The following PHC2 variants were observed in gnomAD, a reference collection of about 807,000 sequenced individuals.
PHC2 encodes polyhomeotic homolog 2.
In PHC2, 29 loss-of-function variants were observed where a neutral mutation model predicts 87.4. The observed-to-expected ratio is 0.33, with a 90% CI of 0.25 to 0.45. The LOEUF (loss-of-function observed/expected upper bound fraction) is 0.45. Among genes scored for constraint, PHC2 ranks in the 20% least tolerant of loss-of-function variants. The probability of loss-of-function intolerance (pLI) is 1.00; values close to 1 mark genes in which losing one functional copy is unlikely to be tolerated. For missense variants in PHC2, 857 were observed against 1,136.7 expected (o/e 0.75, Z 3.54); for synonymous variants, 438 against 461.7 (o/e 0.95, Z 0.66).
rs1648541895 is a variant in PHC2, at chr1:33,382,535, A to G, written c.-54-6942T>C. ...CACAGCCAAATCTCATTAATGGCTAACATCAAGAACTAGAAGTCTGTTTTT... is the reference window on the plus strand; with the variant it reads ...CACAGCCAAATCTCATTAATGGCTAGCATCAAGAACTAGAAGTCTGTTTTT... On this transcript the variant is annotated intron_variant, in intron 1 of 14. Coordinates refer to ENST00000683057, the MANE Select transcript of PHC2 (RefSeq NM_001385109.1). This position sits in a 1 kb window ranked among gnomAD's most constrained non-coding sequence, Gnocchi z 4.3. Among the ~76,000 whole-genome samples the G allele has an allele frequency of 6.6e-6, 1 of 152,186 alleles. No homozygotes were observed.
At chr1:33,389,961 C>T (rs889218875) in intron 1 of PHC2, among the ~76,000 whole-genome samples, 2 of 152,046 alleles carry the variant, frequency 1.3e-5, no homozygotes, top group South Asian at 2.1e-4. Context: ...ATTTATGAAA[C>T]GTAGGTAGCT....
chr1:33,329,178 G>A, intron 13 of PHC2, 32 bp from the exon 14 acceptor site: 1 of 1,597,676 alleles, frequency 6.3e-7, no homozygotes, highest in Non-Finnish European at 8.5e-7. Context: ...CAGGATGGGG[G>A]AACAAACCAT....
rs558786421 is a variant in PHC2 at position 33,376,399 on chromosome 1, G to C, written c.-54-806C>G. Among the ~76,000 whole-genome samples the C allele has an allele frequency of 5.4e-4, 82 of 152,344 alleles. 1 individual carries two copies. The highest frequency in any genetic ancestry group is 5.0e-4 in the Non-Finnish European group (34 of 68,032). ...AGGACAGGGCAGACTTGGTTCACTA[G>C]GTGAGATTTGAGATCAGGTCTGGCT... On this transcript the variant is annotated intron_variant, in intron 1 of 14. Transcript: ENST00000683057.
chr1:33,337,046 T>G (rs567083610), intron 9 of PHC2, among the ~76,000 whole-genome samples: 2 of 152,378 alleles, frequency 1.3e-5, no homozygotes, highest in East Asian at 3.9e-4. Context: ...ACATCTATTT[T>G]ATTTAAAATG....
chr1:33,370,379 T>C, intron 5 of PHC2, 42 bp downstream of exon 5: 1 of 1,582,430 alleles, frequency 6.3e-7, no homozygotes, highest in Non-Finnish European at 8.6e-7. Flanking sequence ...GCCTCTGTCC[T>C]CCTGGTGCCT....
intron 9 of PHC2, among the ~76,000 whole-genome samples, chr1:33,341,955 A>G (rs551689101): frequency 6.6e-6 from 1 of 152,334 alleles, no homozygotes; most frequent in South Asian, 2.1e-4. Context: ...CCTTGCCTTG[A>G]CACAGCAGGC....
chr1:33,412,115 G>A (rs1239050891), intron 1 of PHC2, among the ~76,000 whole-genome samples: 1 of 152,092 alleles, frequency 6.6e-6, no homozygotes, highest in Non-Finnish European at 1.5e-5. Context: ...GGTAAAAAAA[G>A]GTTTAAAGAT....
At chr1:33,337,568 T>G (rs539510317) in intron 9 of PHC2, among the ~76,000 whole-genome samples, 5 of 152,160 alleles carry the variant, frequency 3.3e-5, no homozygotes, top group Admixed American at 3.3e-4. Flanking sequence ...ATAAGGATCC[T>G]ACGCCTACCT....
chr1:33,400,726 T>A (rs1361062215), intron 1 of PHC2, among the ~76,000 whole-genome samples: 1 of 152,110 alleles, frequency 6.6e-6, no homozygotes, highest in Non-Finnish European at 1.5e-5. Flanking sequence ...CATATGCACA[T>A]AACTGAATAC....
chr1:33,332,463 C>T lies in PHC2; in HGVS notation c.1762-59G>A. On this transcript the variant is annotated intron_variant, in intron 10 of 14. Coordinates refer to ENST00000683057, the MANE Select transcript of PHC2 (RefSeq NM_001385109.1). The surrounding 1 kb of genome is among the most constrained non-coding windows in gnomAD (Gnocchi z 4.2). ...CAGGTGGGAGCGGCTTCCTTGCTAT[C>T]CATCCTCATCACAATTACACGTATA... 2 of 1,598,188 alleles carry T rather than the reference C, an allele frequency of 1.3e-6. No individual in the cohort carries two copies. Among genetic ancestry groups the T allele is most frequent in the African/African-American group, 1.3e-5 (1 of 74,716 alleles).
chr1:33,325,256 G>A (rs1646344848), intron 14 of PHC2: 3 of 495,654 alleles, frequency 6.1e-6, no homozygotes, highest in Middle Eastern at 5.2e-4. Context: ...TCAGACCCCT[G>A]CTCCATGAAC....
At chr1:33,333,843 C>T (rs1646561827) in intron 10 of PHC2, 2 of 477,704 alleles carry the variant, frequency 4.2e-6, no homozygotes, top group Non-Finnish European at 7.4e-6. Context: ...CAGGGACACA[C>T]CTGAGTTTGT....
Position 33,364,754 on chromosome 1 carries a change from A to G in PHC2, c.976+2362T>C, listed in dbSNP as rs1160461910. On this transcript the variant is annotated intron_variant, in intron 7 of 14. Coordinates refer to ENST00000683057, the MANE Select transcript of PHC2 (RefSeq NM_001385109.1). The surrounding 1 kb of genome is among the most constrained non-coding windows in gnomAD (Gnocchi z 4.1). ...TGGGAGGCAGGAACAATGCAGGCCC[A>G]CTGCTTTGTGTCTCTGGGGAGAGGT... Among the ~76,000 whole-genome samples the G allele has an allele frequency of 6.6e-6, 1 of 152,112 alleles. No homozygotes were observed. Among genetic ancestry groups the G allele is most frequent in the Non-Finnish European group, 1.5e-5 (1 of 68,022 alleles).
intron 1 of PHC2, among the ~76,000 whole-genome samples, chr1:33,401,176 A>G (rs1040560212): frequency 3.3e-5 from 5 of 152,222 alleles, no homozygotes; most frequent in African/African-American, 1.2e-4. Flanking sequence ...AATACAAAAA[A>G]TTAGCCGGGT....
At chr1:33,430,600 G>T (rs1312469483) in intron 1 of PHC2, among the ~76,000 whole-genome samples, 1 of 152,070 alleles carries the variant, frequency 6.6e-6, no homozygotes, top group African/African-American at 2.4e-5. Context: ...CCCGGAGAAA[G>T]CGAGTCACTG....
At chr1:33,410,861 A>G (rs1649955087) in intron 1 of PHC2, among the ~76,000 whole-genome samples, 1 of 152,214 alleles carries the variant, frequency 6.6e-6, no homozygotes, top group African/African-American at 2.4e-5. Flanking sequence ...AGTAACAAAC[A>G]ACAAAAACCT....
At chr1:33,420,465 C>T (rs966028701) in intron 1 of PHC2, among the ~76,000 whole-genome samples, 1 of 152,140 alleles carries the variant, frequency 6.6e-6, no homozygotes, top group Non-Finnish European at 1.5e-5. Context: ...AAAAAATCAG[C>T]TCACTCTTAA....
chr1:33,345,688 A>G (rs1296762240), intron 9 of PHC2: 1 of 984,664 alleles, frequency 1.0e-6, no homozygotes, highest in Non-Finnish European at 1.2e-6. Flanking sequence ...TGACCATGTC[A>G]TTTATACTGG....
chr1:33,385,267 A>T (rs1282585695), intron 1 of PHC2, among the ~76,000 whole-genome samples: 1 of 152,102 alleles, frequency 6.6e-6, no homozygotes, highest in Non-Finnish European at 1.5e-5. Flanking sequence ...CCTTACCCCG[A>T]CCTCCCAGAG....
Sources: allele counts gnomAD v4.1 joint callset (sites outside exome capture counted in the v4.1 genomes callset), GRCh38; gene constraint gnomAD v4.1.1; non-coding constraint Gnocchi (gnomAD v3.1); transcripts MANE v1.5; gene names NCBI Gene and HGNC (gene_info 2026-07-23, HGNC 2026-07-21).